Variants in UBXN2B observed in about 807,000 individuals in gnomAD.
The protein encoded by UBXN2B is UBX domain protein 2B.
A neutral mutation model predicts 37.5 loss-of-function variants in UBXN2B; 19 were observed. That is an observed-to-expected ratio of 0.51 (90% CI 0.35 to 0.74). The LOEUF (loss-of-function observed/expected upper bound fraction) is 0.74, where lower values mean the gene tolerates loss of function less well. UBXN2B is among the 30% of genes least tolerant of loss of function. The pLI, the probability that UBXN2B is intolerant of heterozygous loss-of-function variation, is 0.01. For synonymous variants in UBXN2B, 145 were observed against 143.8 expected (o/e 1.01, Z -0.06); for missense variants, 370 against 393.2 (o/e 0.94, Z 0.50).
chr8:58,421,654 A>G (rs1174839571), intron 2 of UBXN2B, among the ~76,000 whole-genome samples: 4 of 152,188 alleles, frequency 2.6e-5, no homozygotes, highest in South Asian at 2.1e-4. Context: ...TTTAATTTCC[A>G]CACCTTTTTT....
chr8:58,426,515 C>G, intron 2 of UBXN2B: 1 of 729,876 alleles, frequency 1.4e-6, no homozygotes, highest in Non-Finnish European at 2.6e-6. Flanking sequence ...GCCCAGTGTT[C>G]TGAATCTTGA....
chr8:58,440,398 T>C (rs1175551379), intron 6 of UBXN2B, among the ~76,000 whole-genome samples: 3 of 152,214 alleles, frequency 2.0e-5, no homozygotes, highest in African/African-American at 7.2e-5. Flanking sequence ...TTTCAAGTCA[T>C]GGAAGTGCAA....
intron 7 of UBXN2B, 97 bp downstream of exon 7, chr8:58,446,165 A>C (rs1257274416): frequency 3.3e-5 from 42 of 1,272,242 alleles, no homozygotes; most frequent in Non-Finnish European, 3.9e-5. Flanking sequence ...GAAGAATATG[A>C]TATTCTTTAG....
chr8:58,415,748 T>C (rs916390991), intron 1 of UBXN2B, among the ~76,000 whole-genome samples: 1 of 152,042 alleles, frequency 6.6e-6, no homozygotes, highest in South Asian at 2.1e-4. Flanking sequence ...TAAGTTACGA[T>C]TTGAATTCAG....
intron 6 of UBXN2B, among the ~76,000 whole-genome samples, chr8:58,441,115 C>A (rs892857446): frequency 6.6e-6 from 1 of 151,688 alleles, no homozygotes; most frequent in Non-Finnish European, 1.5e-5. Flanking sequence ...ACCCCACTCT[C>A]CTGACTGGGA....
chr8:58,432,787 C>T (rs912001530), intron 3 of UBXN2B, among the ~76,000 whole-genome samples: 1 of 152,084 alleles, frequency 6.6e-6, no homozygotes, highest in African/African-American at 2.4e-5. Context: ...CATTTCTCAA[C>T]CTGGAATTTC....
intron 2 of UBXN2B, among the ~76,000 whole-genome samples, chr8:58,417,172 G>A (rs1016735002): frequency 1.3e-5 from 2 of 151,894 alleles, no homozygotes; most frequent in Admixed American, 1.3e-4. Context: ...AGAAACTTAC[G>A]GAAAAATTAC....
chr8:58,432,790 G>A (rs964806134), intron 3 of UBXN2B, among the ~76,000 whole-genome samples: 8 of 151,982 alleles, frequency 5.3e-5, no homozygotes, highest in African/African-American at 1.9e-4. Flanking sequence ...TTCTCAACCT[G>A]GAATTTCTCC....
chr8:58,444,778 T>C lies in UBXN2B; in HGVS notation c.672-1129T>C, dbSNP rs1337849969. 3.9e-5 allele frequency among the ~76,000 whole-genome samples: 6 copies of C among 152,166 alleles called. No homozygotes were observed. In the East Asian group the frequency reaches 9.6e-4, roughly 24 times the overall value. On this transcript the variant is annotated intron_variant, in intron 6 of 7. Transcript: ENST00000399598. ...GTCATAATTTTAACCTTATGTATAT[T>C]TTTATGTATCCTCAAATCAGTTCTA...
chr8:58,423,441 G>T (rs71521414), intron 2 of UBXN2B, among the ~76,000 whole-genome samples: 43,713 of 146,662 alleles, frequency 0.3, 6,921 homozygotes, highest in East Asian at 0.47. Context: ...TTTTGTTGTT[G>T]TTTTTTTTTT....
At chr8:58,423,130 G>T (rs899977019) in intron 2 of UBXN2B, among the ~76,000 whole-genome samples, 12 of 151,790 alleles carry the variant, frequency 7.9e-5, no homozygotes, top group Non-Finnish European at 1.3e-4. Context: ...TCAATAGAGG[G>T]CAGTAGAAGG....
chr8:58,430,209 G>C (rs1808233476), intron 2 of UBXN2B, among the ~76,000 whole-genome samples: 1 of 152,164 alleles, frequency 6.6e-6, no homozygotes, highest in South Asian at 2.1e-4. Context: ...CAGAAGTGCT[G>C]AATTAGTGAA....
At chr8:58,411,495 G>A in intron 1 of UBXN2B, 26 bp downstream of exon 1, 1 of 1,247,752 alleles carries the variant, frequency 8.0e-7, no homozygotes, top group Non-Finnish European at 1.0e-6. Flanking sequence ...GGGGGAGGGA[G>A]CGCGGCGGTG....
intron 2 of UBXN2B, among the ~76,000 whole-genome samples, chr8:58,421,250 C>T (rs1807915861): frequency 1.3e-5 from 2 of 152,006 alleles, no homozygotes; most frequent in African/African-American, 4.8e-5. Context: ...TTCTCATCCC[C>T]ATTTAGCCAC....
intron 2 of UBXN2B, among the ~76,000 whole-genome samples, chr8:58,421,689 CCAT>C (rs924425576): frequency 6.6e-5 from 10 of 152,172 alleles, no homozygotes; most frequent in African/African-American, 2.4e-4. Flanking sequence ...CAAGCTTTCT[CCAT>C]CATCCCAGCC....
At chr8:58,428,472 C>G (rs551885246) in intron 2 of UBXN2B, among the ~76,000 whole-genome samples, 2 of 152,288 alleles carry the variant, frequency 1.3e-5, no homozygotes, top group East Asian at 3.9e-4. Context: ...TCTGATTCCT[C>G]TGGTCATTTT....
Position 58,425,177 on chromosome 8 carries a change from T to G in UBXN2B, c.189-5342T>G, listed in dbSNP as rs2129603969. 7 of 893,610 alleles carry G rather than the reference T, an allele frequency of 7.8e-6. No individual in the cohort carries two copies. In the East Asian group the frequency reaches 1.7e-4, roughly 22 times the overall value. The allele number at this position is 893,610 out of a possible 1,614,324, so 55.4% of individuals were successfully genotyped here. A position where few individuals can be genotyped will look rare whatever the true frequency, so the allele number is the denominator to read the frequency against. On this transcript the variant is annotated intron_variant, in intron 2 of 7. Coordinates refer to ENST00000399598, the MANE Select transcript of UBXN2B (RefSeq NM_001077619.2). Reference sequence around the variant, plus strand: ...CCAACCTTTGAAAGTTTAAGTTCTCTTAGCATATAGTTGTGAGCGGTGCTT... The same window carrying G: ...CCAACCTTTGAAAGTTTAAGTTCTCGTAGCATATAGTTGTGAGCGGTGCTT...
chr8:58,433,226 G>C lies in UBXN2B; in HGVS notation c.406G>C (p.Glu136Gln). 1 of 1,610,248 alleles carries C rather than the reference G, an allele frequency of 6.2e-7. No individual in the cohort carries two copies. Among genetic ancestry groups the C allele is most frequent in the Non-Finnish European group, 8.5e-7 (1 of 1,178,054 alleles). The change falls in exon 4 of 8, where the codon GAA becomes CAA. Residue 136 changes from glutamate to glutamine, a missense_variant. By Grantham distance (29) the Glu-to-Gln change is conservative (BLOSUM62 2). Coordinates refer to ENST00000399598, the MANE Select transcript of UBXN2B (RefSeq NM_001077619.2). Reference sequence around the variant, plus strand: ...TAAGCGGTCTGAATATATCTATGGAGAAAATCAGCTGCAAGATGTAGGTAC... The same window carrying C: ...TAAGCGGTCTGAATATATCTATGGACAAAATCAGCTGCAAGATGTAGGTAC... ...FCKRSEYIYG[E>Q]NQLQDVQILL... is the part of the protein sequence containing the mutation.
chr8:58,412,770 A>C (rs1004771818), intron 1 of UBXN2B, among the ~76,000 whole-genome samples: 40 of 152,328 alleles, frequency 2.6e-4, no homozygotes, highest in African/African-American at 9.6e-4. Flanking sequence ...CTGTGTCTTC[A>C]TTTGTAAACT....
Sources: allele counts gnomAD v4.1 joint callset (sites outside exome capture counted in the v4.1 genomes callset), GRCh38; gene constraint gnomAD v4.1.1; transcripts MANE v1.5; gene names NCBI Gene and HGNC (gene_info 2026-07-23, HGNC 2026-07-21).